Variants in PCDHGA2 observed in about 807,000 individuals in gnomAD.
PCDHGA2 encodes protocadherin gamma-A2.
In PCDHGA2, 40 loss-of-function variants were observed where a neutral mutation model predicts 59.2. The observed-to-expected ratio is 0.68, with a 90% CI of 0.52 to 0.88. The LOEUF (loss-of-function observed/expected upper bound fraction) is 0.88, where lower values mean the gene tolerates loss of function less well. Ranked by LOEUF, PCDHGA2 falls within the 40% of genes least tolerant of loss-of-function variation. The pLI is 0.00. For synonymous variants in PCDHGA2, 560 were observed against 526.0 expected (o/e 1.06, Z -0.89); for missense variants, 1,226 against 1,204.0 (o/e 1.02, Z -0.27).
At chr5:141,462,280 C>T (rs927977920) in intron 1 of PCDHGA2, among the ~76,000 whole-genome samples, 15 of 152,146 alleles carry the variant, frequency 9.9e-5, no homozygotes, top group African/African-American at 3.4e-4. Context: ...TGTTTAGTCA[C>T]CAAATATGTA....
intron 1 of PCDHGA2, among the ~76,000 whole-genome samples, chr5:141,353,042 T>A (rs1759172373): frequency 6.6e-6 from 1 of 152,182 alleles, no homozygotes; most frequent in Non-Finnish European, 1.5e-5. Flanking sequence ...GGTGTATAAG[T>A]AATTTTGATT....
In PCDHGA2 at chr5:141,355,063, C is replaced by T. The variant is rs902736924; in HGVS notation, c.2424+13668C>T. The T allele has an allele frequency of 8.4e-6, 11 of 1,314,420 alleles. No homozygotes were observed. The African/African-American group carries it at 1.6e-4, about 19-fold the overall frequency. The allele number at this position is 1,314,420 out of a possible 1,614,324, so 81.4% of individuals were successfully genotyped here. The stretch of plus-strand genomic sequence containing the variant: ...GCAGCACAAAGCACTGGCTCTGGAG[C>T]TTTATGAAAGCTTCAAGCGGAAGCC... On this transcript the variant is annotated intron_variant, in intron 1 of 3. Transcript: ENST00000394576.
intron 1 of PCDHGA2, among the ~76,000 whole-genome samples, chr5:141,468,198 G>A (rs992118435): frequency 9.2e-5 from 14 of 151,854 alleles, no homozygotes; most frequent in Admixed American, 7.2e-4. Context: ...GGTGGCGGGT[G>A]CCTGTAATTC....
At position 141,477,632 on chromosome 5, in the gene PCDHGA2, G is replaced by A. The variant is rs1262622928; in HGVS notation, c.2425-17175G>A. Reference sequence around the variant, plus strand: ...GGAGCAAGGAGCTGAAACCGGGCTAGTGGGTCGCTATTTCACAATAAATCG... The same window carrying A: ...GGAGCAAGGAGCTGAAACCGGGCTAATGGGTCGCTATTTCACAATAAATCG... On this transcript the variant is annotated intron_variant, in intron 1 of 3. Coordinates refer to ENST00000394576, the MANE Select transcript of PCDHGA2 (RefSeq NM_018915.4). This position sits in a 1 kb window ranked among gnomAD's most constrained non-coding sequence, Gnocchi z 4.9. 6.8e-6 allele frequency: 11 copies of A among 1,614,218 alleles called. No homozygotes were observed. Among genetic ancestry groups the A allele is most frequent in the Non-Finnish European group, 9.3e-6 (11 of 1,180,046 alleles).
At chr5:141,349,988 T>G in intron 1 of PCDHGA2, 1 of 314,376 alleles carries the variant, frequency 3.2e-6, no homozygotes, top group Non-Finnish European at 5.8e-6. Flanking sequence ...AGGTTGCGCT[T>G]TGAGGATAAA....
intron 1 of PCDHGA2, chr5:141,421,852 C>T: frequency 6.2e-7 from 1 of 1,613,770 alleles, no homozygotes; most frequent in South Asian, 1.1e-5. Context: ...AGAGGCTGCT[C>T]ACCTGCTCCT....
At chr5:141,430,396 A>G (rs1433813025) in intron 1 of PCDHGA2, among the ~76,000 whole-genome samples, 5 of 151,842 alleles carry the variant, frequency 3.3e-5, no homozygotes, top group Non-Finnish European at 7.4e-5. Context: ...AAAAAAAAAA[A>G]GCTCACTAAA....
At chr5:141,433,257 G>A (rs764036349) in intron 1 of PCDHGA2, 4 of 1,385,412 alleles carry the variant, frequency 2.9e-6, no homozygotes, top group Non-Finnish European at 4.0e-6. Context: ...GCAGCGGTAC[G>A]ATCATAGCTC....
chr5:141,392,841 C>A (rs1464167244), intron 1 of PCDHGA2: 2 of 1,608,680 alleles, frequency 1.2e-6, no homozygotes, highest in Non-Finnish European at 1.7e-6. Flanking sequence ...TCGCCCCAGA[C>A]GCGGCGAGCT....
chr5:141,356,087 C>T (rs768342539), intron 1 of PCDHGA2: 1 of 1,613,878 alleles, frequency 6.2e-7, no homozygotes, highest in Non-Finnish European at 8.5e-7. Context: ...CAGTTGAATT[C>T]TCTGAGTGGG....
chr5:141,455,738 A>G (rs896060095), intron 1 of PCDHGA2, among the ~76,000 whole-genome samples: 2 of 152,140 alleles, frequency 1.3e-5, no homozygotes, highest in Non-Finnish European at 2.9e-5. Flanking sequence ...TTGCATATCA[A>G]AGGTTGCTGG....
intron 1 of PCDHGA2, among the ~76,000 whole-genome samples, chr5:141,349,127 G>A (rs557742918): frequency 6.6e-5 from 10 of 152,174 alleles, no homozygotes; most frequent in South Asian, 2.1e-4. Context: ...ATGGACTTCA[G>A]TGGCATGATC....
intron 1 of PCDHGA2, chr5:141,418,595 G>T (rs1331897624): frequency 5.6e-6 from 9 of 1,613,928 alleles, no homozygotes; most frequent in Non-Finnish European, 7.6e-6. Flanking sequence ...CAGCCAGGAC[G>T]TGTACAGGGT....
At chr5:141,496,121 C>G (rs1391009290) in intron 2 of PCDHGA2, among the ~76,000 whole-genome samples, 1 of 152,088 alleles carries the variant, frequency 6.6e-6, no homozygotes, top group Non-Finnish European at 1.5e-5. Context: ...TCCTTCCCTG[C>G]CCCTCACACA....
At chr5:141,355,853 G>A in intron 1 of PCDHGA2, 1 of 1,612,554 alleles carries the variant, frequency 6.2e-7, no homozygotes, top group Non-Finnish European at 8.5e-7. Context: ...TTCGATGGAG[G>A]TGACCCGGTT....
chr5:141,370,142 C>T, intron 1 of PCDHGA2: 2 of 430,642 alleles, frequency 4.6e-6, no homozygotes, highest in Non-Finnish European at 8.1e-6. Flanking sequence ...GATTTAGTCA[C>T]CATTACTGCA....
At chr5:141,376,288 G>T (rs753554580) in intron 1 of PCDHGA2, 1 of 1,614,216 alleles carries the variant, frequency 6.2e-7, no homozygotes, top group Non-Finnish European at 8.5e-7. Context: ...TAGCGAGCAT[G>T]CCCGGCTCGC....
intron 1 of PCDHGA2, among the ~76,000 whole-genome samples, chr5:141,407,512 T>C (rs910710605): frequency 6.6e-6 from 1 of 152,192 alleles, no homozygotes; most frequent in East Asian, 1.9e-4. Context: ...TCTTAGGCTA[T>C]GTAGGACTTA....
intron 1 of PCDHGA2, chr5:141,416,557 T>C (rs1428283225): frequency 3.9e-5 from 6 of 152,112 alleles, no homozygotes; most frequent in Non-Finnish European, 8.8e-5. Flanking sequence ...CCTGAAACTC[T>C]GAAAACTCTG....
Sources: allele counts gnomAD v4.1 joint callset (sites outside exome capture counted in the v4.1 genomes callset), GRCh38; gene constraint gnomAD v4.1.1; non-coding constraint Gnocchi (gnomAD v3.1); transcripts MANE v1.5; gene names NCBI Gene and HGNC (gene_info 2026-07-23, HGNC 2026-07-21).